The following CHD1 variants were observed in gnomAD, a reference collection of about 807,000 sequenced individuals.
CHD1 encodes chromodomain helicase DNA binding protein 1, also known as ATP-dependent chromatin remodeler CHD1.
In CHD1, 36 loss-of-function variants were observed where a neutral mutation model predicts 224.2. That is an observed-to-expected ratio of 0.16 (90% CI 0.12 to 0.21). CHD1 has a LOEUF of 0.21. Ranked by LOEUF, CHD1 falls within the 10% of genes least tolerant of loss-of-function variation. The pLI, the probability that CHD1 is intolerant of heterozygous loss-of-function variation, is 1.00. For missense variants in CHD1, 1,378 were observed against 1,994.8 expected (o/e 0.69, Z 5.89); for synonymous variants, 668 against 658.3 (o/e 1.01, Z -0.23).
chr5:98,889,351 C>T, intron 15 of CHD1, 113 bp from the exon 16 acceptor site: 5 of 719,300 alleles, frequency 7.0e-6, no homozygotes, highest in Non-Finnish European at 1.1e-5. Context: ...TAAAACTGTA[C>T]CGTTATAAAA....
At chr5:98,860,895 A>G (rs1422186493) in intron 32 of CHD1, among the ~76,000 whole-genome samples, 1 of 152,224 alleles carries the variant, frequency 6.6e-6, no homozygotes, top group Admixed American at 6.5e-5. Context: ...GCCTTTATAT[A>G]AATTCACAGA....
chr5:98,862,942 A>G (rs1748585050), intron 32 of CHD1, among the ~76,000 whole-genome samples: 1 of 152,194 alleles, frequency 6.6e-6, no homozygotes, highest in African/African-American at 2.4e-5. Flanking sequence ...TTTAGCTTTA[A>G]GAACAATTTG....
intron 30 of CHD1, 115 bp downstream of exon 30, chr5:98,869,639 C>A (rs1749179570): frequency 9.0e-7 from 1 of 1,116,632 alleles, no homozygotes; most frequent in Non-Finnish European, 1.3e-6. Flanking sequence ...CACACACACA[C>A]ACACACACAC....
chr5:98,926,663 T>C (rs1442007317), intron 1 of CHD1, 129 bp from the exon 2 acceptor site: 1 of 221,198 alleles, frequency 4.5e-6, no homozygotes. Flanking sequence ...TGGGGGCCTT[T>C]TATTAAATAC....
At chr5:98,867,514 GA>G (rs1240871123) in intron 31 of CHD1, among the ~76,000 whole-genome samples, 2 of 151,974 alleles carry the variant, frequency 1.3e-5, no homozygotes, top group Non-Finnish European at 2.9e-5. Flanking sequence ...AAAAAACTGG[GA>G]AAAAAACTAG....
At chr5:98,870,855 T>G (rs1749278962) in intron 28 of CHD1, 52 bp from the exon 29 acceptor site, 1 of 1,089,868 alleles carries the variant, frequency 9.2e-7, no homozygotes, top group Admixed American at 1.9e-5. Context: ...ACATGAGAAA[T>G]GTACTGGCTA....
Position 98,854,715 on chromosome 5 carries a change from C to T in CHD1, c.*1665G>A, listed in dbSNP as rs1314839221. 7.9e-5 allele frequency: 12 copies of T among 152,034 alleles called. No homozygotes were observed. The highest frequency in any genetic ancestry group is 2.2e-4 in the African/African-American group (9 of 41,518). The allele number at this position is 152,034 out of a possible 1,614,324, so 9.4% of individuals were successfully genotyped here. ...TTTTATACACATAAACCTAATTGGA[C>T]AAAGGAAAATATTAAAAAATACACC... On this transcript the variant is annotated 3_prime_UTR_variant, in exon 36 of 36. Coordinates refer to ENST00000614616, the MANE Select transcript of CHD1 (RefSeq NM_001270.4).
chr5:98,879,779 TAA>T, intron 22 of CHD1, 51 bp from the exon 23 acceptor site: 4 of 1,331,712 alleles, frequency 3.0e-6, no homozygotes, highest in Non-Finnish European at 3.1e-6. Flanking sequence ...AATTGATCCC[TAA>T]AAGTTTTTTT....
intron 30 of CHD1, 199 bp from the exon 31 acceptor site, chr5:98,868,834 T>C (rs1039556860): frequency 4.8e-6 from 3 of 620,262 alleles, no homozygotes; most frequent in Non-Finnish European, 7.5e-6. Flanking sequence ...GTAATGTTAC[T>C]CTGAAGGTAA....
Position 98,892,591 on chromosome 5 carries a change from G to T in CHD1, c.2114C>A (p.Ser705Tyr), listed in dbSNP as rs1313264952. The T allele has an allele frequency of 6.2e-7, 1 of 1,613,880 alleles. No individual in the cohort carries two copies. The highest frequency in any genetic ancestry group is 1.1e-5 in the South Asian group (1 of 91,056). Reference protein sequence around the residue: ...LRRVKKDVEKSLPAKVEQILR... With the variant: ...LRRVKKDVEKYLPAKVEQILR... ...AATCTGCTCAACCTTGGCAGGAAGA[G>T]ATTTTTCCACATCTTTCTTAACTCG... Residue 705 changes from serine (S) to tyrosine (Y), a missense_variant, in exon 15 of 36, where the codon TCT (serine) becomes TAT (tyrosine). This residue lies in a region of CHD1 where 37 missense variants were observed against 118.9 expected (regional missense o/e 0.31). Coordinates refer to ENST00000614616, the MANE Select transcript of CHD1 (RefSeq NM_001270.4).
At position 98,885,510 on chromosome 5, in the gene CHD1, AAT is replaced by A. The variant is rs1314102739; in HGVS notation, c.2568+66_2568+67del. The A allele has an allele frequency of 5.2e-6, 5 of 965,818 alleles. No individual in the cohort carries two copies. In the African/African-American group the frequency reaches 8.4e-5, roughly 16 times the overall value. 59.8% of individuals were successfully genotyped at this position (965,818 alleles called of 1,614,324 possible). A position where few individuals can be genotyped will look rare whatever the true frequency, so the allele number is the denominator to read the frequency against. ...TAGATATGAAGATTAAAAATGTCTG[AAT>A]ATAATAATGTAATATACTGATACTA... is the stretch of plus-strand genomic sequence containing the variant. On this transcript the variant is annotated intron_variant, in intron 18 of 35. Transcript: ENST00000614616.
intron 15 of CHD1, among the ~76,000 whole-genome samples, chr5:98,890,900 A>C (rs991821533): frequency 3.3e-5 from 5 of 152,182 alleles, no homozygotes; most frequent in African/African-American, 1.2e-4. Flanking sequence ...TAGATAATAA[A>C]CTCAGAGACA....
chr5:98,920,392 ACAC>A (rs1202084232), intron 2 of CHD1, among the ~76,000 whole-genome samples: 1 of 152,234 alleles, frequency 6.6e-6, no homozygotes, highest in Admixed American at 6.5e-5. Flanking sequence ...TGAGAGGTTA[ACAC>A]CACCAGTAAT....
rs1481717375 is a variant in CHD1, at chr5:98,868,852, A to C, written c.4108-217T>G. ...ATGTTACTCTGAAGGTAAAGCATTA[A>C]AGAGTGTTCAGACCTACTATTCTCC... On this transcript the variant is annotated intron_variant, in intron 30 of 35. Transcript: ENST00000614616. The C allele has an allele frequency of 1.0e-5, 6 of 573,580 alleles. No homozygotes were observed. In the East Asian group the frequency reaches 2.4e-4, roughly 23 times the overall value. The allele number at this position is 573,580 out of a possible 1,614,324, so 35.5% of individuals were successfully genotyped here. A position where few individuals can be genotyped will look rare whatever the true frequency, so the allele number is the denominator to read the frequency against.
chr5:98,875,195 G>C (rs1749661114), intron 24 of CHD1, 82 bp from the exon 25 acceptor site: 3 of 773,680 alleles, frequency 3.9e-6, no homozygotes, highest in Non-Finnish European at 6.4e-6. Context: ...ACAGATATAA[G>C]AAAATACTTG....
chr5:98,886,337 T>A (rs1251995481), intron 17 of CHD1: 2 of 152,232 alleles, frequency 1.3e-5, no homozygotes, highest in Non-Finnish European at 2.9e-5. Context: ...ACCATGTCAG[T>A]TCCGCTTTAA....
At chr5:98,916,189 T>C (rs1752717145) in intron 2 of CHD1, among the ~76,000 whole-genome samples, 1 of 151,886 alleles carries the variant, frequency 6.6e-6, no homozygotes, top group East Asian at 1.9e-4. Flanking sequence ...CAAAACTCCA[T>C]CTTAAAAAAT....
Position 98,869,896 on chromosome 5 carries a change from T to C in CHD1, c.3979-14A>G. The stretch of plus-strand genomic sequence containing the variant: ...CTTTGAACTTCCCTAAAAATCATTA[T>C]TTTAATTTTAACCAATTCTACAGAT... On this transcript the variant is annotated splice_polypyrimidine_tract_variant and intron_variant, in intron 29 of 35. Transcript: ENST00000614616. The C allele has an allele frequency of 1.3e-6, 2 of 1,568,858 alleles. No individual in the cohort carries two copies. The highest frequency in any genetic ancestry group is 1.1e-5 in the South Asian group (1 of 87,022).
At chr5:98,882,199 G>T in intron 19 of CHD1, 76 bp from the exon 20 acceptor site, 1 of 1,224,430 alleles carries the variant, frequency 8.2e-7, no homozygotes, top group Non-Finnish European at 1.1e-6. Flanking sequence ...CTAAACACTG[G>T]CACACAAATT....
Sources: gnomAD v4.1 joint callset for allele counts (sites outside exome capture counted in the v4.1 genomes callset) on GRCh38, gnomAD v4.1.1 for gene constraint, gnomAD v4.1.1 regional missense constraint, MANE v1.5 for transcripts, NCBI Gene and HGNC (gene_info 2026-07-23, HGNC 2026-07-21) for gene names.